FIGN: variants seen among roughly 807,000 people sequenced by gnomAD.
FIGN encodes the protein fidgetin.
In FIGN, 11 loss-of-function variants were observed where a neutral mutation model predicts 51.3. The ratio of observed to expected loss-of-function variants is 0.21; its 90% confidence interval spans 0.13 to 0.35. The LOEUF is 0.35. FIGN is among the 10% of genes least tolerant of loss of function. The pLI is 1.00. For synonymous variants in FIGN, 407 were observed against 363.2 expected (o/e 1.12, Z -1.37); for missense variants, 857 against 943.6 (o/e 0.91, Z 1.20).
intron 2 of FIGN, among the ~76,000 whole-genome samples, chr2:163,631,106 C>T (rs900541998): frequency 7.2e-5 from 11 of 152,070 alleles, no homozygotes; most frequent in African/African-American, 1.7e-4. Flanking sequence ...AAGCAGAGCT[C>T]GAGTTAGGAA....
At chr2:163,612,111 T>A (rs371299603) in intron 2 of FIGN, among the ~76,000 whole-genome samples, 9 of 152,326 alleles carry the variant, frequency 5.9e-5, no homozygotes, top group African/African-American at 2.2e-4. Context: ...TTACCTACTA[T>A]ACGCACATAC....
In FIGN at chr2:163,723,571, T is replaced by C. The variant is rs561437285; in HGVS notation, c.25+11332A>G. Among the ~76,000 whole-genome samples the C allele has an allele frequency of 3.3e-5, 5 of 152,222 alleles. No individual in the cohort carries two copies. The South Asian group carries it at 8.3e-4, about 25-fold the overall frequency. On this transcript the variant is annotated intron_variant, in intron 2 of 2. Coordinates refer to ENST00000333129, the MANE Select transcript of FIGN (RefSeq NM_018086.4). ...ACTGACCTGGATACCAAAGTCCTAG[T>C]AGGATTTCAACAAGCGAAGAAGAAC... is the stretch of plus-strand genomic sequence containing the variant.
chr2:163,691,726 C>G (rs1275078670), intron 2 of FIGN, among the ~76,000 whole-genome samples: 2 of 152,064 alleles, frequency 1.3e-5, no homozygotes, highest in Admixed American at 6.6e-5. Flanking sequence ...TCAACTTTCT[C>G]TTTTCAGGAA....
chr2:163,650,578 C>T (rs1180763874), intron 2 of FIGN, among the ~76,000 whole-genome samples: 3 of 150,710 alleles, frequency 2.0e-5, no homozygotes, highest in African/African-American at 7.3e-5. Flanking sequence ...GTGAGATGTT[C>T]CCCTCCCTGT....
intron 2 of FIGN, among the ~76,000 whole-genome samples, chr2:163,719,294 A>G (rs752753736): frequency 5.9e-5 from 9 of 152,168 alleles, no homozygotes; most frequent in Non-Finnish European, 1.3e-4. Flanking sequence ...CATTACTTTG[A>G]TTTACGTGAC....
At chr2:163,689,384 T>C (rs1184580266) in intron 2 of FIGN, among the ~76,000 whole-genome samples, 2 of 152,186 alleles carry the variant, frequency 1.3e-5, no homozygotes, top group African/African-American at 4.8e-5. Context: ...TTGATCCATA[T>C]GTGGTTTAAC....
At chr2:163,721,047 C>A (rs1379824053) in intron 2 of FIGN, among the ~76,000 whole-genome samples, 1 of 152,048 alleles carries the variant, frequency 6.6e-6, no homozygotes, top group African/African-American at 2.4e-5. Flanking sequence ...ACAAAATAAA[C>A]CATTAACCAC....
intron 2 of FIGN, among the ~76,000 whole-genome samples, chr2:163,679,972 T>C (rs1214213668): frequency 6.6e-6 from 1 of 152,236 alleles, no homozygotes; most frequent in Non-Finnish European, 1.5e-5. Flanking sequence ...CCAAATGTCA[T>C]GAAGTTTGTT....
At chr2:163,692,125 A>C (rs1337459540) in intron 2 of FIGN, among the ~76,000 whole-genome samples, 1 of 152,252 alleles carries the variant, frequency 6.6e-6, no homozygotes, top group Non-Finnish European at 1.5e-5. Context: ...CAAAATTATT[A>C]AAATTAAAAT....
Position 163,735,009 on chromosome 2 carries a change from T to C in FIGN, c.-82A>G. ...GGTTGCTTTTCATTAAAGCCACTTT[T>C]CCTCTCAGCTATCAAATGTCACTGC... is the stretch of plus-strand genomic sequence containing the variant. On this transcript the variant is annotated 5_prime_UTR_variant, in exon 2 of 3. Coordinates refer to ENST00000333129, the MANE Select transcript of FIGN (RefSeq NM_018086.4). 1 of 1,446,650 alleles carries C rather than the reference T, an allele frequency of 6.9e-7. No individual in the cohort carries two copies. Among genetic ancestry groups the C allele is most frequent in the Non-Finnish European group, 9.6e-7 (1 of 1,038,492 alleles). 89.6% of individuals were successfully genotyped at this position (1,446,650 alleles called of 1,614,324 possible).
At chr2:163,654,536 T>C (rs1412169017) in intron 2 of FIGN, among the ~76,000 whole-genome samples, 1 of 152,188 alleles carries the variant, frequency 6.6e-6, no homozygotes, top group Non-Finnish European at 1.5e-5. Context: ...TATTATTAAC[T>C]GGAGTGTTAC....
intron 2 of FIGN, among the ~76,000 whole-genome samples, chr2:163,688,774 C>T (rs893170586): frequency 1.3e-5 from 2 of 152,060 alleles, no homozygotes; most frequent in Admixed American, 1.3e-4. Flanking sequence ...TTTTATTCAA[C>T]AAAATTGGAT....
chr2:163,677,279 T>C (rs2105336889), intron 2 of FIGN, among the ~76,000 whole-genome samples: 1 of 152,330 alleles, frequency 6.6e-6, no homozygotes, highest in East Asian at 1.9e-4. Context: ...AAGCAAGACA[T>C]GCAAATAGGT....
chr2:163,714,552 T>G (rs1312054922), intron 2 of FIGN, among the ~76,000 whole-genome samples: 1 of 152,226 alleles, frequency 6.6e-6, no homozygotes, highest in Non-Finnish European at 1.5e-5. Flanking sequence ...AATTACTGTT[T>G]TTAAAACTCC....
intron 2 of FIGN, among the ~76,000 whole-genome samples, chr2:163,718,297 C>T (rs1473089259): frequency 6.6e-6 from 1 of 152,148 alleles, no homozygotes; most frequent in Non-Finnish European, 1.5e-5. Context: ...ATGATGCTGC[C>T]TCCCCTGGGC....
In FIGN at chr2:163,636,965, G is replaced by T. The variant is rs557210487; in HGVS notation, c.26-25159C>A. ...GTGGTGGCAGGCGCCTGTAGTCCCA[G>T]CTAATTGAGAGGCTGAGGCATGAGA... On this transcript the variant is annotated intron_variant, in intron 2 of 2. Transcript: ENST00000333129. Among the ~76,000 whole-genome samples the T allele has an allele frequency of 3.4e-4, 51 of 152,196 alleles. No homozygotes were observed. In the South Asian group the frequency reaches 8.1e-3, roughly 24 times the overall value.
chr2:163,627,206 G>C (rs1481693667), intron 2 of FIGN, among the ~76,000 whole-genome samples: 1 of 151,846 alleles, frequency 6.6e-6, no homozygotes, highest in South Asian at 2.1e-4. Context: ...TCTTTCTTTC[G>C]TGACATCCAA....
intron 2 of FIGN, among the ~76,000 whole-genome samples, chr2:163,648,175 T>C (rs777977962): frequency 1.7e-4 from 26 of 150,380 alleles, no homozygotes; most frequent in Non-Finnish European, 3.1e-4. Flanking sequence ...ACCCCCACCC[T>C]TCCACAAACC....
chr2:163,673,633 C>T (rs1383239099), intron 2 of FIGN, among the ~76,000 whole-genome samples: 5 of 152,088 alleles, frequency 3.3e-5, no homozygotes, highest in African/African-American at 9.7e-5. Context: ...CTTATCCCAC[C>T]TTGCAAGAAG....
Sources: gnomAD v4.1 joint callset for allele counts (sites outside exome capture counted in the v4.1 genomes callset) on GRCh38, gnomAD v4.1.1 for gene constraint, MANE v1.5 for transcripts, NCBI Gene and HGNC (gene_info 2026-07-23, HGNC 2026-07-21) for gene names.